The following VWC2L variants were observed in gnomAD, a reference collection of about 807,000 sequenced individuals.
VWC2L encodes the protein von Willebrand factor C domain-containing protein 2-like.
Under a neutral mutation model 21.6 loss-of-function variants are expected in VWC2L, and 10 were observed. The ratio of observed to expected loss-of-function variants is 0.46; its 90% CI spans 0.29 to 0.78. The LOEUF is 0.78. Ranked by LOEUF, VWC2L falls within the 30% of genes least tolerant of loss-of-function variation. The pLI, the probability that VWC2L is intolerant of heterozygous loss-of-function variation, is 0.10. For synonymous variants in VWC2L, 96 were observed against 94.3 expected (o/e 1.02, Z -0.10); for missense variants, 209 against 277.1 (o/e 0.75, Z 1.74).
Position 214,482,507 on chromosome 2 carries a change from GTGTA to G in VWC2L, c.520+45755_520+45758del, listed in dbSNP as rs563386234. The stretch of plus-strand genomic sequence containing the variant: ...TGTATGTATGTATGTATATATATGT[GTGTA>G]TGTATATGTGTGTATCTATATATAT... On this transcript the variant is annotated intron_variant, in intron 3 of 3. Transcript: ENST00000312504. Among the ~76,000 whole-genome samples the G allele has an allele frequency of 2.9e-3, 441 of 150,322 alleles. 2 individuals are homozygous for G. Among genetic ancestry groups the G allele is most frequent in the African/African-American group, 9.8e-3 (397 of 40,622 alleles).
At chr2:214,494,756 G>A (rs577788803) in intron 3 of VWC2L, among the ~76,000 whole-genome samples, 1 of 150,414 alleles carries the variant, frequency 6.6e-6, no homozygotes, top group African/African-American at 2.4e-5. Context: ...ACACAACTGT[G>A]TTTTTTTTAT....
At chr2:214,572,089 T>C (rs1461808293) in intron 3 of VWC2L, among the ~76,000 whole-genome samples, 1 of 152,158 alleles carries the variant, frequency 6.6e-6, no homozygotes, top group East Asian at 1.9e-4. Context: ...GCCTACCTCC[T>C]ATATTCTTAA....
In VWC2L at chr2:214,520,956, G is replaced by C. The variant is rs1248936150; in HGVS notation, c.521-54716G>C. Among the ~76,000 whole-genome samples, 4 of 152,034 alleles carry C rather than the reference G, an allele frequency of 2.6e-5. No individual in the cohort carries two copies. In the East Asian group the frequency reaches 7.7e-4, roughly 29 times the overall value. On this transcript the variant is annotated intron_variant, in intron 3 of 3. Coordinates refer to ENST00000312504, the MANE Select transcript of VWC2L (RefSeq NM_001080500.4). ...TACCAAGTTTGGACTGGGTGCAGTG[G>C]CTCACACCTGTAATCCCAGCACTTT...
rs908765570 is a variant in VWC2L, at chr2:214,504,361, T to C, written c.520+67603T>C. ...ACTAACATGGATGGGCTGCTGTCCA[T>C]GTCTAAGTGTTTAGAGTCTGCATCT... is the stretch of plus-strand genomic sequence containing the variant. On this transcript the variant is annotated intron_variant, in intron 3 of 3. Transcript: ENST00000312504. Among the ~76,000 whole-genome samples, 3 of 152,348 alleles carry C rather than the reference T, an allele frequency of 2.0e-5. No individual in the cohort carries two copies. The East Asian group carries it at 5.8e-4, about 29-fold the overall frequency.
rs565560925 is a variant in VWC2L, at chr2:214,424,660, C to CT, written c.390+10085dup. On this transcript the variant is annotated intron_variant, in intron 2 of 3. Transcript: ENST00000312504. Reference sequence around the variant, plus strand: ...CACAAATTTATGTGACAGTAGAACACTTTTTTTTCTCAGAACACTTATTAA... The same window carrying CT: ...CACAAATTTATGTGACAGTAGAACACTTTTTTTTTCTCAGAACACTTATTAA... Among the ~76,000 whole-genome samples the CT allele has an allele frequency of 1.1e-4, 17 of 152,142 alleles. No individual in the cohort carries two copies. The East Asian group carries it at 1.7e-3, about 16-fold the overall frequency.
At chr2:214,432,833 C>T in intron 2 of VWC2L, among the ~76,000 whole-genome samples, 1 of 152,012 alleles carries the variant, frequency 6.6e-6, no homozygotes. Context: ...ACCAGCCTGG[C>T]CAACATGGTA....
intron 3 of VWC2L, among the ~76,000 whole-genome samples, chr2:214,563,605 C>T (rs1232003995): frequency 6.9e-6 from 1 of 143,900 alleles, no homozygotes; most frequent in Non-Finnish European, 1.5e-5. Context: ...AATGTGAAGC[C>T]TTATTTCTGA....
chr2:214,499,542 T>C (rs1028045617), intron 3 of VWC2L, among the ~76,000 whole-genome samples: 1 of 149,476 alleles, frequency 6.7e-6, no homozygotes, highest in East Asian at 2.0e-4. Context: ...TTAGGAGATA[T>C]ACCTAATGTA....
At chr2:214,470,336 G>A (rs1490900613) in intron 3 of VWC2L, among the ~76,000 whole-genome samples, 1 of 151,924 alleles carries the variant, frequency 6.6e-6, no homozygotes, top group Non-Finnish European at 1.5e-5. Context: ...GGGGTCCCAT[G>A]GTTTAAATTA....
Position 214,524,932 on chromosome 2 carries a change from C to CTTT in VWC2L, c.521-50730_521-50728dup, listed in dbSNP as rs5838441. On this transcript the variant is annotated intron_variant, in intron 3 of 3. Coordinates refer to ENST00000312504, the MANE Select transcript of VWC2L (RefSeq NM_001080500.4). ...TCAGAGCCAAGGGCACTTTGGCTGG[C>CTTT]TTTTTTTTTTTTCTTGTTTTTAGAA... is the stretch of plus-strand genomic sequence containing the variant. 1.7e-3 allele frequency among the ~76,000 whole-genome samples: 247 copies of CTTT among 144,878 alleles called. 1 individual carries two copies. Among genetic ancestry groups the CTTT allele is most frequent in the Admixed American group, 4.8e-3 (69 of 14,466 alleles).
intron 2 of VWC2L, among the ~76,000 whole-genome samples, chr2:214,434,505 T>C (rs1702648575): frequency 6.6e-6 from 1 of 152,198 alleles, no homozygotes; most frequent in African/African-American, 2.4e-5. Context: ...ATGGTGATTC[T>C]TGTTACCAAG....
intron 3 of VWC2L, among the ~76,000 whole-genome samples, chr2:214,535,162 A>G (rs1215089923): frequency 6.6e-6 from 1 of 152,108 alleles, no homozygotes; most frequent in Non-Finnish European, 1.5e-5. Context: ...TTTAAATCAT[A>G]TGCAAACAAA....
chr2:214,526,340 A>G (rs2105913784), intron 3 of VWC2L, among the ~76,000 whole-genome samples: 1 of 152,290 alleles, frequency 6.6e-6, no homozygotes, highest in Non-Finnish European at 1.5e-5. Context: ...ATCACCATGT[A>G]GAAACTTGGT....
intron 3 of VWC2L, chr2:214,536,965 AATT>A (rs1459414349): frequency 1.4e-4 from 18 of 132,788 alleles, no homozygotes; most frequent in African/African-American, 5.2e-4. Flanking sequence ...CCCACCCCAA[AATT>A]ATTTCCTACA....
In VWC2L at chr2:214,494,138, C is replaced by T. The variant is rs997896944; in HGVS notation, c.520+57380C>T. ...ATGTTAAATTCATCCACTGTATCCTCATCTACTACAGTAGTCTTATTCAGC... is the reference window on the plus strand; with the variant it reads ...ATGTTAAATTCATCCACTGTATCCTTATCTACTACAGTAGTCTTATTCAGC... On this transcript the variant is annotated intron_variant, in intron 3 of 3. Coordinates refer to ENST00000312504, the MANE Select transcript of VWC2L (RefSeq NM_001080500.4). Among the ~76,000 whole-genome samples the T allele has an allele frequency of 5.9e-5, 9 of 152,152 alleles. 1 individual carries two copies. The highest frequency in any genetic ancestry group is 1.9e-4 in the African/African-American group (8 of 41,440).
intron 3 of VWC2L, among the ~76,000 whole-genome samples, chr2:214,488,986 G>A (rs757147646): frequency 3.0e-4 from 46 of 152,068 alleles, no homozygotes; most frequent in Non-Finnish European, 4.3e-4. Context: ...TTTAACATTG[G>A]GAATCACATT....
intron 3 of VWC2L, among the ~76,000 whole-genome samples, chr2:214,563,251 G>A (rs1006631880): frequency 6.6e-6 from 1 of 152,058 alleles, no homozygotes; most frequent in Non-Finnish European, 1.5e-5. Context: ...GTTTGTAAAA[G>A]ATCAAGTGGT....
At chr2:214,574,282 G>T (rs1039996237) in intron 3 of VWC2L, among the ~76,000 whole-genome samples, 3 of 152,154 alleles carry the variant, frequency 2.0e-5, no homozygotes, top group Admixed American at 1.3e-4. Context: ...CATGCCAAGT[G>T]TTTGTGTTAC....
At chr2:214,520,003 T>A (rs1689206928) in intron 3 of VWC2L, among the ~76,000 whole-genome samples, 1 of 151,730 alleles carries the variant, frequency 6.6e-6, no homozygotes, top group Non-Finnish European at 1.5e-5. Flanking sequence ...AATACATAAT[T>A]CGGAAATTTT....
Sources: gnomAD v4.1 joint callset for allele counts (sites outside exome capture counted in the v4.1 genomes callset) on GRCh38, gnomAD v4.1.1 for gene constraint, MANE v1.5 for transcripts, NCBI Gene and HGNC (gene_info 2026-07-23, HGNC 2026-07-21) for gene names.